The following COL13A1 variants were observed in gnomAD, a reference collection of about 807,000 sequenced individuals.
COL13A1 encodes collagen type XIII alpha 1 chain, also known as collagen alpha-1(XIII) chain.
In COL13A1, 89 loss-of-function variants were observed where a neutral mutation model predicts 130.9. The ratio of observed to expected loss-of-function variants is 0.68; its 90% confidence interval spans 0.57 to 0.81. The LOEUF (loss-of-function observed/expected upper bound fraction) is 0.81. Among genes scored for constraint, COL13A1 ranks in the 30% least tolerant of loss-of-function variants. COL13A1 has a pLI of 0.00. For synonymous variants in COL13A1, 402 were observed against 341.6 expected (o/e 1.18, Z -1.95); for missense variants, 879 against 934.6 (o/e 0.94, Z 0.78).
At chr10:69,823,920 C>T (rs1220792172) in intron 2 of COL13A1, among the ~76,000 whole-genome samples, 2 of 152,076 alleles carry the variant, frequency 1.3e-5, no homozygotes, top group South Asian at 2.1e-4. Flanking sequence ...GCAGAGAGAC[C>T]GTTCGCATCA....
rs1234693497 is a variant in COL13A1 at position 69,863,466 on chromosome 10, G to T, written c.365-4332G>T. Among the ~76,000 whole-genome samples, 3 of 152,254 alleles carry T rather than the reference G, an allele frequency of 2.0e-5. No homozygotes were observed. In the South Asian group the frequency reaches 6.2e-4, roughly 32 times the overall value. On this transcript the variant is annotated intron_variant, in intron 2 of 40. Coordinates refer to ENST00000645393, the MANE Select transcript of COL13A1 (RefSeq NM_001368882.1). ...GCTGCAGGCACCAGGAGGCATGGGTGGGGGCTAGGACCCCAGCTTCTAGGA... is the reference window on the plus strand; with the variant it reads ...GCTGCAGGCACCAGGAGGCATGGGTTGGGGCTAGGACCCCAGCTTCTAGGA...
At chr10:69,896,722 C>T (rs766884659) in intron 13 of COL13A1, among the ~76,000 whole-genome samples, 9 of 152,288 alleles carry the variant, frequency 5.9e-5, no homozygotes, top group Non-Finnish European at 7.4e-5. Flanking sequence ...GAGCCTGGTA[C>T]GTGAGAGGCT....
intron 26 of COL13A1, among the ~76,000 whole-genome samples, chr10:69,926,681 G>A (rs1396539962): frequency 1.3e-5 from 2 of 152,194 alleles, no homozygotes; most frequent in African/African-American, 4.8e-5. Flanking sequence ...AAAGGGAGGT[G>A]CGTGGCAACT....
intron 1 of COL13A1, among the ~76,000 whole-genome samples, chr10:69,817,524 G>A (rs1463212556): frequency 6.6e-6 from 1 of 152,020 alleles, no homozygotes; most frequent in Admixed American, 6.5e-5. Flanking sequence ...CTGGGCTTCC[G>A]TTTGAGATCT....
At chr10:69,826,816 C>T (rs1474972597) in intron 2 of COL13A1, among the ~76,000 whole-genome samples, 1 of 152,198 alleles carries the variant, frequency 6.6e-6, no homozygotes, top group Non-Finnish European at 1.5e-5. Context: ...CCATCTTCAT[C>T]TTGTGGCATC....
chr10:69,862,264 C>G (rs1858353271), intron 2 of COL13A1, among the ~76,000 whole-genome samples: 1 of 152,192 alleles, frequency 6.6e-6, no homozygotes, highest in African/African-American at 2.4e-5. Context: ...AAGTTGCACC[C>G]TTCTCAGAGC....
At chr10:69,924,932 C>T (rs748575261) in intron 24 of COL13A1, 31 bp from the exon 25 acceptor site, 87 of 1,562,198 alleles carry the variant, frequency 5.6e-5, no homozygotes, top group Admixed American at 1.6e-4. Context: ...CAACTTTATC[C>T]CCACTTTGCT....
intron 21 of COL13A1, among the ~76,000 whole-genome samples, chr10:69,920,012 C>T (rs1040858023): frequency 6.6e-6 from 1 of 152,216 alleles, no homozygotes; most frequent in Non-Finnish European, 1.5e-5. Flanking sequence ...CTTTCCTTCT[C>T]CACATGGCCT....
At chr10:69,910,860 G>A (rs892755354) in intron 17 of COL13A1, among the ~76,000 whole-genome samples, 5 of 151,850 alleles carry the variant, frequency 3.3e-5, no homozygotes, top group Non-Finnish European at 7.4e-5. Context: ...GAACTGGTCT[G>A]TCTGTCTCAC....
intron 38 of COL13A1, 129 bp downstream of exon 38, chr10:69,947,471 C>A: frequency 1.1e-6 from 1 of 882,002 alleles, no homozygotes. Context: ...AATTGAAAGG[C>A]TTTACAAGGA....
chr10:69,833,142 G>A (rs1159441464), intron 2 of COL13A1, among the ~76,000 whole-genome samples: 2 of 152,130 alleles, frequency 1.3e-5, no homozygotes, highest in Admixed American at 1.3e-4. Context: ...TCCCAGGGGC[G>A]TCATTCACTC....
chr10:69,810,376 G>GAGAGAGAGAGAGAGAGACACAGAGAC lies in COL13A1; in HGVS notation c.294+7664_294+7665insGAGAGAGAGAGACACAGAGACAGAGA, dbSNP rs1230051691. Among the ~76,000 whole-genome samples, 321 of 133,820 alleles carry GAGAGAGAGAGAGAGAGACACAGAGAC rather than the reference G, an allele frequency of 2.4e-3. 6 individuals carry two copies. The Middle Eastern group carries it at 0.027, about 11-fold the overall frequency. 87.8% of individuals were successfully genotyped at this position (133,820 alleles called of 152,430 possible). ...AGAGAGAGAGAGAGAGAGAGAGAGA[G>GAGAGAGAGAGAGAGAGACACAGAGAC]AGAGACAGAGAGTCTGTGTGGCCCA... On this transcript the variant is annotated intron_variant, in intron 1 of 40. Transcript: ENST00000645393.
intron 2 of COL13A1, among the ~76,000 whole-genome samples, chr10:69,853,597 G>A (rs1322712560): frequency 1.3e-5 from 2 of 151,924 alleles, no homozygotes; most frequent in African/African-American, 4.9e-5. Flanking sequence ...AGAAAACAAT[G>A]TATAAAAGGA....
chr10:69,895,704 C>T, intron 13 of COL13A1, 128 bp downstream of exon 13: 1 of 990,752 alleles, frequency 1.0e-6, no homozygotes, highest in South Asian at 1.4e-5. Context: ...CACCCACTGC[C>T]CTCTGCACTC....
chr10:69,828,772 T>TAC, intron 2 of COL13A1, among the ~76,000 whole-genome samples: 1 of 152,212 alleles, frequency 6.6e-6, no homozygotes, highest in Non-Finnish European at 1.5e-5. Context: ...ATGCTCGATG[T>TAC]ACAATCCAGG....
At chr10:69,895,988 AG>A (rs1176641140) in intron 13 of COL13A1, among the ~76,000 whole-genome samples, 3 of 152,020 alleles carry the variant, frequency 2.0e-5, no homozygotes, top group Non-Finnish European at 2.9e-5. Context: ...GTGTGGCGGT[AG>A]GGGGGTGGTG....
intron 2 of COL13A1, among the ~76,000 whole-genome samples, chr10:69,823,734 C>T (rs565364133): frequency 1.3e-5 from 2 of 152,274 alleles, no homozygotes; most frequent in East Asian, 3.9e-4. Flanking sequence ...TTCAGCTGGA[C>T]CCGGTGAGAA....
At chr10:69,902,667 A>T (rs969880215) in intron 14 of COL13A1, 81 bp from the exon 15 acceptor site, 16 of 1,158,220 alleles carry the variant, frequency 1.4e-5, no homozygotes, top group Non-Finnish European at 1.9e-5. Context: ...GCAGGCCTTC[A>T]CTGGGTGCAT....
intron 39 of COL13A1, among the ~76,000 whole-genome samples, chr10:69,954,452 G>T (rs1312177584): frequency 1.3e-5 from 2 of 152,244 alleles, no homozygotes; most frequent in African/African-American, 4.8e-5. Context: ...CCTTCAGGCA[G>T]TGAAGTTAGT....
Sources: gnomAD v4.1 joint callset for allele counts (sites outside exome capture counted in the v4.1 genomes callset) on GRCh38, gnomAD v4.1.1 for gene constraint, MANE v1.5 for transcripts, NCBI Gene and HGNC (gene_info 2026-07-23, HGNC 2026-07-21) for gene names.